DCX: variants seen among roughly 807,000 people sequenced by gnomAD.
DCX encodes doublecortin.
In DCX, 4 loss-of-function variants were observed where a neutral mutation model predicts 20.9. That is an observed-to-expected ratio of 0.19 (90% CI 0.09 to 0.44). The LOEUF (loss-of-function observed/expected upper bound fraction) is 0.44. Ranked by LOEUF, DCX falls within the 20% of genes least tolerant of loss-of-function variation. DCX has a pLI of 0.99. For missense variants in DCX, 133 were observed against 296.9 expected (o/e 0.45, Z 4.06); for synonymous variants, 103 against 111.4 (o/e 0.92, Z 0.47).
chrX:111,335,091 T>C (rs1921603250), intron 3 of DCX, among the ~76,000 whole-genome samples: 1 of 111,841 alleles, frequency 8.9e-6, no homozygotes, highest in Admixed American at 9.5e-5. Flanking sequence ...TGCCGCCACA[T>C]CCTTGACCCT....
chrX:111,347,468 G>A lies in DCX; in HGVS notation c.706-14315C>T, dbSNP rs1490174984. Among the ~76,000 whole-genome samples the A allele has an allele frequency of 2.7e-5, 3 of 111,415 alleles. No homozygotes were observed. In the East Asian group the frequency reaches 8.4e-4, roughly 31 times the overall value. On this transcript the variant is annotated intron_variant, in intron 3 of 6. Transcript: ENST00000636035. ...TGAAGACACCGATTTCCTTTGGCTT[G>A]CCTTGTGGGGCTTAGCTACAGAAAA...
intron 3 of DCX, among the ~76,000 whole-genome samples, chrX:111,391,535 C>T (rs891429899): frequency 2.7e-5 from 3 of 111,352 alleles, no homozygotes; most frequent in South Asian, 3.8e-4. Context: ...CGGCACCTTA[C>T]CTGTAATGCA....
chrX:111,391,380 C>CT (rs1276896755), intron 3 of DCX, among the ~76,000 whole-genome samples: 1 of 111,522 alleles, frequency 9.0e-6, no homozygotes, highest in Non-Finnish European at 1.9e-5. Context: ...AATTAAACCA[C>CT]TTTTTTTCAT....
intron 6 of DCX, among the ~76,000 whole-genome samples, chrX:111,308,865 AT>A (rs767884937): frequency 3.8e-3 from 386 of 102,632 alleles, no homozygotes; most frequent in African/African-American, 6.1e-3. Flanking sequence ...ACGTTTCTAG[AT>A]TTTTTTTTTT....
chrX:111,405,675 A>G (rs1450073073), intron 2 of DCX, among the ~76,000 whole-genome samples: 1 of 111,325 alleles, frequency 9.0e-6, no homozygotes, highest in Non-Finnish European at 1.9e-5. Flanking sequence ...GGAAAGAGAA[A>G]GATTCTAAAA....
intron 3 of DCX, among the ~76,000 whole-genome samples, chrX:111,380,274 T>C (rs1925868432): frequency 8.9e-6 from 1 of 111,859 alleles, no homozygotes; most frequent in South Asian, 3.7e-4. Context: ...ATTCAAGATT[T>C]ATACATATTT....
intron 5 of DCX, among the ~76,000 whole-genome samples, chrX:111,323,371 CT>C (rs1341493609): frequency 2.7e-5 from 3 of 111,541 alleles, no homozygotes; most frequent in East Asian, 2.8e-4. Context: ...ACATAAAATG[CT>C]TATCTAAGTG....
In DCX at chrX:111,338,640, G is replaced by C. The variant is rs1396996615; in HGVS notation, c.706-5487C>G. On this transcript the variant is annotated intron_variant, in intron 3 of 6. Transcript: ENST00000636035. The stretch of plus-strand genomic sequence containing the variant: ...GGGGTTATCTTGAAGCCTTACTTGG[G>C]GGCTTTTTATGACAACATTTTTGCC... 3.7e-5 allele frequency among the ~76,000 whole-genome samples: 4 copies of C among 107,091 alleles called. No homozygotes were observed. The East Asian group carries it at 1.2e-3, about 31-fold the overall frequency. 93.0% of individuals were successfully genotyped at this position (107,091 alleles called of 115,157 possible).
intron 3 of DCX, among the ~76,000 whole-genome samples, chrX:111,371,290 T>A (rs1297466956): frequency 1.8e-5 from 2 of 112,139 alleles, no homozygotes; most frequent in African/African-American, 6.5e-5. Flanking sequence ...TGAGAGGCAA[T>A]CACTGTTCTC....
chrX:111,308,037 A>G (rs1360554321), intron 6 of DCX, among the ~76,000 whole-genome samples: 2 of 112,249 alleles, frequency 1.8e-5, no homozygotes, highest in African/African-American at 6.5e-5. Flanking sequence ...ATCTCCATCA[A>G]TTTATTTCGT....
intron 3 of DCX, among the ~76,000 whole-genome samples, chrX:111,335,591 AG>A (rs1389635400): frequency 8.9e-6 from 1 of 112,815 alleles, no homozygotes; most frequent in East Asian, 2.8e-4. Flanking sequence ...ATGTGAATTC[AG>A]AAACTATTCT....
chrX:111,321,617 TGA>T (rs374115564), intron 5 of DCX, among the ~76,000 whole-genome samples: 43 of 111,008 alleles, frequency 3.9e-4, no homozygotes, highest in African/African-American at 1.3e-3. Flanking sequence ...CAAAGAACAA[TGA>T]GAGAGTCCAG....
At chrX:111,340,499 G>T (rs1221271942) in intron 3 of DCX, among the ~76,000 whole-genome samples, 1 of 111,593 alleles carries the variant, frequency 9.0e-6, no homozygotes, top group African/African-American at 3.3e-5. Flanking sequence ...CCCCAGTGAG[G>T]CACACCCCTT....
At chrX:111,401,358 A>T in intron 2 of DCX, 28 bp from the exon 3 acceptor site, 2 of 1,121,547 alleles carry the variant, frequency 1.8e-6, no homozygotes, top group Non-Finnish European at 2.5e-6. Flanking sequence ...TGATTAGGTG[A>T]TTAGTTTAAT....
chrX:111,398,088 A>G (rs1276857103), intron 3 of DCX, among the ~76,000 whole-genome samples: 1 of 110,234 alleles, frequency 9.1e-6, no homozygotes, highest in Non-Finnish European at 1.9e-5. Context: ...CTTAGAATGT[A>G]TTTAGGGAAA....
At chrX:111,314,139 G>A (rs917461165) in intron 5 of DCX, among the ~76,000 whole-genome samples, 6 of 110,807 alleles carry the variant, frequency 5.4e-5, no homozygotes, top group African/African-American at 1.6e-4. Context: ...TGGTTGGTAA[G>A]TTTATTTAAG....
At chrX:111,317,792 G>A (rs1181106375) in intron 5 of DCX, among the ~76,000 whole-genome samples, 1 of 111,822 alleles carries the variant, frequency 8.9e-6, no homozygotes, top group Non-Finnish European at 1.9e-5. Flanking sequence ...CATTCATGTG[G>A]CCAACAAGCA....
chrX:111,384,294 C>A (rs1019025907), intron 3 of DCX, among the ~76,000 whole-genome samples: 1 of 111,469 alleles, frequency 9.0e-6, no homozygotes, highest in Non-Finnish European at 1.9e-5. Context: ...AATCTAAGTG[C>A]GTATGCATTA....
chrX:111,377,780 C>T (rs1925654700), intron 3 of DCX, among the ~76,000 whole-genome samples: 1 of 111,318 alleles, frequency 9.0e-6, no homozygotes, highest in African/African-American at 3.3e-5. Context: ...CTCTTCCTCC[C>T]TTCCTCCTTC....
Sources: gnomAD v4.1 joint callset for allele counts (sites outside exome capture counted in the v4.1 genomes callset) on GRCh38, gnomAD v4.1.1 for gene constraint, MANE v1.5 for transcripts, NCBI Gene and HGNC (gene_info 2026-07-23, HGNC 2026-07-21) for gene names.